Variants in DYRK1A observed in about 807,000 individuals in gnomAD.
DYRK1A encodes the protein dual specificity tyrosine phosphorylation regulated kinase 1A.
In DYRK1A, 9 loss-of-function variants were observed where a neutral mutation model predicts 79.7. That is an observed-to-expected ratio of 0.11 (90% CI 0.07 to 0.20). The LOEUF (loss-of-function observed/expected upper bound fraction) is 0.20, where lower values mean the gene tolerates loss of function less well. Among genes scored for constraint, DYRK1A ranks in the 10% least tolerant of loss-of-function variants. The pLI, the probability that DYRK1A is intolerant of heterozygous loss-of-function variation, is 1.00. For missense variants in DYRK1A, 622 were observed against 956.0 expected (o/e 0.65, Z 4.61); for synonymous variants, 349 against 329.7 (o/e 1.06, Z -0.63).
intron 2 of DYRK1A, among the ~76,000 whole-genome samples, chr21:37,427,327 G>A (rs2050654637): frequency 6.6e-6 from 1 of 152,130 alleles, no homozygotes; most frequent in Admixed American, 6.5e-5. Flanking sequence ...GTGTTCCCTA[G>A]GCTGGTTTTG....
Position 37,420,088 on chromosome 21 carries a change from T to C in DYRK1A, c.-76-211T>C, listed in dbSNP as rs527766831. On this transcript the variant is annotated intron_variant, in intron 1 of 11. Transcript: ENST00000647188. The stretch of plus-strand genomic sequence containing the variant: ...GCACATTTTGAAACTGTTTTTTTTT[T>C]CTCTGACAATTGAATATATTTTATA... 5.6e-5 allele frequency: 14 copies of C among 248,386 alleles called. No homozygotes were observed. The South Asian group carries it at 1.6e-3, about 29-fold the overall frequency. The allele number at this position is 248,386 out of a possible 1,614,324, so 15.4% of individuals were successfully genotyped here.
intron 1 of DYRK1A, among the ~76,000 whole-genome samples, chr21:37,417,459 G>T (rs1434153256): frequency 2.0e-5 from 3 of 149,718 alleles, no homozygotes; most frequent in Non-Finnish European, 3.0e-5. Flanking sequence ...CTCCCAAAGT[G>T]CTGGGATTAC....
intron 1 of DYRK1A, among the ~76,000 whole-genome samples, chr21:37,390,627 G>A (rs1017268373): frequency 1.3e-5 from 2 of 152,110 alleles, no homozygotes; most frequent in East Asian, 1.9e-4. Flanking sequence ...GGAGTGCAGC[G>A]GCATGATCTT....
intron 2 of DYRK1A, among the ~76,000 whole-genome samples, chr21:37,452,447 A>G (rs2148504993): frequency 6.6e-6 from 1 of 152,308 alleles, no homozygotes; most frequent in Non-Finnish European, 1.5e-5. Flanking sequence ...TGCCGTTTAT[A>G]GAACTGGGTC....
Position 37,499,952 on chromosome 21 carries a change from T to C in DYRK1A, c.1212+3694T>C, listed in dbSNP as rs1328680282. On this transcript the variant is annotated intron_variant, in intron 9 of 11. Transcript: ENST00000647188. ...TACAGTATTCCCTGGATGTGAAACC[T>C]GTGTATGAGGGCCAACTTTTCACAT... Among the ~76,000 whole-genome samples the C allele has an allele frequency of 2.6e-5, 4 of 152,326 alleles. No individual in the cohort carries two copies. In the East Asian group the frequency reaches 7.7e-4, roughly 29 times the overall value.
At chr21:37,438,810 T>TA (rs1715769349) in intron 2 of DYRK1A, among the ~76,000 whole-genome samples, 1 of 152,212 alleles carries the variant, frequency 6.6e-6, no homozygotes, top group Non-Finnish European at 1.5e-5. Flanking sequence ...TCTAGGTCTT[T>TA]TGCATTTTCA....
rs1569339620 is a variant in DYRK1A, at chr21:37,457,041, T to TTACTTACTTACTTAC, written c.11-15642_11-15641insACTTACTTACTTACT. On this transcript the variant is annotated intron_variant, in intron 2 of 11. Coordinates refer to ENST00000647188, the MANE Select transcript of DYRK1A (RefSeq NM_001347721.2). ...ACTTACTTACTTACTTACTTACTTA[T>TTACTTACTTACTTAC]TTATTTATTTATTTATTTATTTATT... is the stretch of plus-strand genomic sequence containing the variant. Among the ~76,000 whole-genome samples the TTACTTACTTACTTAC allele has an allele frequency of 1.9e-3, 88 of 46,986 alleles. 1 individual carries two copies. The East Asian group carries it at 0.019, about 10-fold the overall frequency. 30.8% of individuals were successfully genotyped at this position (46,986 alleles called of 152,430 possible).
Position 37,518,676 on chromosome 21 carries a change from T to G in DYRK1A, c.*6145T>G, listed in dbSNP as rs2053905307. 7.2e-6 allele frequency: 1 copy of G among 139,514 alleles called. No individual in the cohort carries two copies. The highest frequency in any genetic ancestry group is 2.7e-5 in the African/African-American group (1 of 36,468). 8.6% of individuals were successfully genotyped at this position (139,514 alleles called of 1,614,324 possible). A position where few individuals can be genotyped will look rare whatever the true frequency, so the allele number is the denominator to read the frequency against. On this transcript the variant is annotated 3_prime_UTR_variant, in exon 12 of 12. Coordinates refer to ENST00000647188, the MANE Select transcript of DYRK1A (RefSeq NM_001347721.2). ...TGTCTCCCAGGTTGGTGTGCAGGGGTGTGATCTCGGCTCACTGCAACCTCC... is the reference window on the plus strand; with the variant it reads ...TGTCTCCCAGGTTGGTGTGCAGGGGGGTGATCTCGGCTCACTGCAACCTCC...
chr21:37,416,530 C>A (rs2050345481), intron 1 of DYRK1A, among the ~76,000 whole-genome samples: 1 of 151,610 alleles, frequency 6.6e-6, no homozygotes, highest in African/African-American at 2.4e-5. Flanking sequence ...CCCTTTGACT[C>A]CTTTGGCTAT....
chr21:37,396,878 T>G (rs1407808877), intron 1 of DYRK1A, among the ~76,000 whole-genome samples: 1 of 152,196 alleles, frequency 6.6e-6, no homozygotes, highest in Non-Finnish European at 1.5e-5. Context: ...TCCAGCAATT[T>G]GATGGCTCTA....
chr21:37,398,854 A>G (rs946929689), intron 1 of DYRK1A, among the ~76,000 whole-genome samples: 1 of 152,064 alleles, frequency 6.6e-6, no homozygotes, highest in Non-Finnish European at 1.5e-5. Context: ...CGGAGAGGCC[A>G]CGTGAGGTGA....
rs1325616763 is a variant in DYRK1A, at chr21:37,366,929, C to G, written c.-776C>G. 6.5e-6 allele frequency: 1 copy of G among 154,988 alleles called. No individual in the cohort carries two copies. Among genetic ancestry groups the G allele is most frequent in the Non-Finnish European group, 1.4e-5 (1 of 69,616 alleles). The allele number at this position is 154,988 out of a possible 1,614,324, so 9.6% of individuals were successfully genotyped here. On this transcript the variant is annotated 5_prime_UTR_variant, in exon 1 of 12. Coordinates refer to ENST00000647188, the MANE Select transcript of DYRK1A (RefSeq NM_001347721.2). ...GGGGAGACTGCTGCTGTCGCTGCTGCTGATCGCGGCCCAGGTCGGCCTCAG... is the reference window on the plus strand; with the variant it reads ...GGGGAGACTGCTGCTGTCGCTGCTGGTGATCGCGGCCCAGGTCGGCCTCAG...
rs1409926729 is a variant in DYRK1A at position 37,521,332 on chromosome 21, A to T, written c.*8801A>T. On this transcript the variant is annotated 3_prime_UTR_variant, in exon 12 of 12. Transcript: ENST00000647188. ...GAGACACTCTGAATCAAAGAAAACA[A>T]TCAGTACTAACCCTGGAAACAATTT... 1.3e-5 allele frequency: 2 copies of T among 152,262 alleles called. No individual in the cohort carries two copies. The highest frequency in any genetic ancestry group is 2.4e-5 in the African/African-American group (1 of 41,460). The allele number at this position is 152,262 out of a possible 1,614,324, so 9.4% of individuals were successfully genotyped here.
intron 2 of DYRK1A, among the ~76,000 whole-genome samples, chr21:37,460,930 G>T (rs1333809039): frequency 6.6e-6 from 1 of 152,094 alleles, no homozygotes; most frequent in East Asian, 1.9e-4. Context: ...ATGGAATCCA[G>T]CAGCTATATG....
At chr21:37,399,685 G>A (rs551380434) in intron 1 of DYRK1A, among the ~76,000 whole-genome samples, 13 of 152,250 alleles carry the variant, frequency 8.5e-5, no homozygotes, top group Non-Finnish European at 1.6e-4. Context: ...CATGAGAGGC[G>A]TGGAGAGTTT....
rs1195233026 is a variant in DYRK1A, at chr21:37,479,614, T to TTTTG, written c.301-1021_301-1020insGTTT. Reference sequence around the variant, plus strand: ...GTTTTGTTTTTGTTTTTGTTTTTGTTTTTTGTTTTTTTTTTTTTTTTTGGA... The same window carrying TTTTG: ...GTTTTGTTTTTGTTTTTGTTTTTGTTTTTGTTTTGTTTTTTTTTTTTTTTTTGGA... On this transcript the variant is annotated intron_variant, in intron 4 of 11. Transcript: ENST00000647188. Among the ~76,000 whole-genome samples, 51 of 43,782 alleles carry TTTTG rather than the reference T, an allele frequency of 1.2e-3. 1 individual carries two copies. The highest frequency in any genetic ancestry group is 2.1e-3 in the East Asian group (3 of 1,434). 28.7% of individuals were successfully genotyped at this position (43,782 alleles called of 152,430 possible).
In DYRK1A at chr21:37,401,880, A is replaced by G. The variant is rs1366720707; in HGVS notation, c.-76-18419A>G. Among the ~76,000 whole-genome samples, 4 of 152,252 alleles carry G rather than the reference A, an allele frequency of 2.6e-5. No homozygotes were observed. In the East Asian group the frequency reaches 7.7e-4, roughly 29 times the overall value. ...CTGTGTATAAGCTCTTCTTCACATG[A>G]ACTTTGGAAGGTGTTCTACATTTTG... On this transcript the variant is annotated intron_variant, in intron 1 of 11. Transcript: ENST00000647188.
At chr21:37,393,977 C>T (rs981425514) in intron 1 of DYRK1A, among the ~76,000 whole-genome samples, 24 of 152,144 alleles carry the variant, frequency 1.6e-4, no homozygotes, top group Non-Finnish European at 1.2e-4. Context: ...CCACTGGATT[C>T]TGTAGGCCAG....
chr21:37,397,191 G>A (rs1268775870), intron 1 of DYRK1A, among the ~76,000 whole-genome samples: 1 of 152,156 alleles, frequency 6.6e-6, no homozygotes, highest in Non-Finnish European at 1.5e-5. Flanking sequence ...AACCTAGTTG[G>A]GCCGTCATGT....
Sources: gnomAD v4.1 joint callset for allele counts (sites outside exome capture counted in the v4.1 genomes callset) on GRCh38, gnomAD v4.1.1 for gene constraint, MANE v1.5 for transcripts, NCBI Gene and HGNC (gene_info 2026-07-23, HGNC 2026-07-21) for gene names.